The following CHRM3 variants were observed in gnomAD, a reference collection of about 807,000 sequenced individuals.
CHRM3 encodes the protein muscarinic acetylcholine receptor M3.
A neutral mutation model predicts 41.8 loss-of-function variants in CHRM3; 11 were observed. The observed-to-expected ratio is 0.26, with a 90% CI of 0.17 to 0.44. CHRM3 has a LOEUF of 0.44. Ranked by LOEUF, CHRM3 falls within the 20% of genes least tolerant of loss-of-function variation. The pLI is 1.00. For synonymous variants in CHRM3, 297 were observed against 301.4 expected (o/e 0.99, Z 0.15); for missense variants, 571 against 745.4 (o/e 0.77, Z 2.72).
chr1:239,662,915 T>TCTTCTTCTTCTTCTTCTTCTTCTC (rs1558431497), intron 4 of CHRM3, among the ~76,000 whole-genome samples: 3 of 147,372 alleles, frequency 2.0e-5, no homozygotes, highest in African/African-American at 7.5e-5. Flanking sequence ...TTCTTCTTCT[T>TCTTCTTCTTCTTCTTCTTCTTCTC]CTTCTTCTTC....
intron 5 of CHRM3, chr1:239,705,697 T>C (rs951832957): frequency 5.3e-5 from 8 of 152,184 alleles, no homozygotes; most frequent in African/African-American, 1.9e-4. Context: ...CCTATCTTTA[T>C]AGGGAAGGAA....
intron 3 of CHRM3, among the ~76,000 whole-genome samples, chr1:239,554,558 A>G (rs1393740410): frequency 6.6e-6 from 1 of 152,110 alleles, no homozygotes; most frequent in Non-Finnish European, 1.5e-5. Flanking sequence ...ATTTTAAATG[A>G]AAGCAGCTCC....
chr1:239,634,603 C>T (rs1317334372), intron 4 of CHRM3, among the ~76,000 whole-genome samples: 1 of 150,132 alleles, frequency 6.7e-6, no homozygotes, highest in Non-Finnish European at 1.5e-5. Context: ...GTCACCAAAA[C>T]TCAGCTTTTA....
At chr1:239,580,647 T>C (rs1307773551) in intron 3 of CHRM3, among the ~76,000 whole-genome samples, 1 of 143,770 alleles carries the variant, frequency 7.0e-6, no homozygotes, top group South Asian at 2.2e-4. Flanking sequence ...CTCTCATTTG[T>C]ATGTGATTTT....
At chr1:239,570,111 G>A (rs191094843) in intron 3 of CHRM3, among the ~76,000 whole-genome samples, 55 of 152,242 alleles carry the variant, frequency 3.6e-4, no homozygotes, top group Admixed American at 1.5e-3. Context: ...CATAATCCCT[G>A]TATGTCGAGG....
intron 3 of CHRM3, among the ~76,000 whole-genome samples, chr1:239,547,813 T>G (rs1659438659): frequency 6.6e-6 from 1 of 152,182 alleles, no homozygotes; most frequent in Non-Finnish European, 1.5e-5. Context: ...ATTCAGAATT[T>G]CAAAAATGAT....
chr1:239,776,112 A>T (rs1466796746), intron 5 of CHRM3, among the ~76,000 whole-genome samples: 1 of 152,166 alleles, frequency 6.6e-6, no homozygotes, highest in African/African-American at 2.4e-5. Flanking sequence ...TCAAAGGGAC[A>T]TCAAATAATG....
Position 239,914,590 on chromosome 1 carries a change from C to T in CHRM3, c.*5366C>T, listed in dbSNP as rs1397779556. The T allele has an allele frequency of 6.0e-6, 1 of 166,986 alleles. No individual in the cohort carries two copies. The highest frequency in any genetic ancestry group is 1.5e-5 in the Non-Finnish European group (1 of 68,088). The allele number at this position is 166,986 out of a possible 1,614,324, so 10.3% of individuals were successfully genotyped here. A position where few individuals can be genotyped will look rare whatever the true frequency, so the allele number is the denominator to read the frequency against. On this transcript the variant is annotated 3_prime_UTR_variant, in exon 7 of 7. Coordinates refer to ENST00000676153, the MANE Select transcript of CHRM3 (RefSeq NM_001375978.1). Reference sequence around the variant, plus strand: ...GTTTTTTATCCCTAGAACTCAGAAACTTTACTGGATTGGTCAACAAAGACA... The same window carrying T: ...GTTTTTTATCCCTAGAACTCAGAAATTTTACTGGATTGGTCAACAAAGACA...
intron 1 of CHRM3, among the ~76,000 whole-genome samples, chr1:239,407,435 G>A (rs1200930620): frequency 8.3e-6 from 1 of 120,386 alleles, no homozygotes; most frequent in Non-Finnish European, 2.1e-5. Context: ...GAGAGAGAGA[G>A]AGAGAGCGCT....
At chr1:239,727,921 G>A (rs946352566) in intron 5 of CHRM3, 4 of 151,836 alleles carry the variant, frequency 2.6e-5, no homozygotes, top group South Asian at 2.1e-4. Context: ...TCCTTGTTGA[G>A]CTTTTCCAAG....
intron 1 of CHRM3, among the ~76,000 whole-genome samples, chr1:239,451,321 A>G (rs1664539480): frequency 6.6e-6 from 1 of 152,254 alleles, no homozygotes; most frequent in Non-Finnish European, 1.5e-5. Context: ...GTGGAATTAA[A>G]CTTTTAAATT....
intron 2 of CHRM3, among the ~76,000 whole-genome samples, chr1:239,522,401 A>G (rs1669711693): frequency 6.6e-6 from 1 of 152,224 alleles, no homozygotes; most frequent in Non-Finnish European, 1.5e-5. Context: ...ATCCCTTAGT[A>G]GATCGTCCGG....
chr1:239,555,595 C>A (rs1190528872), intron 3 of CHRM3, among the ~76,000 whole-genome samples: 1 of 152,154 alleles, frequency 6.6e-6, no homozygotes, highest in Non-Finnish European at 1.5e-5. Flanking sequence ...CTTTCCATGG[C>A]AATGACTGGC....
chr1:239,631,384 C>G (rs1335520383), intron 3 of CHRM3, among the ~76,000 whole-genome samples: 2 of 152,144 alleles, frequency 1.3e-5, no homozygotes, highest in East Asian at 3.9e-4. Flanking sequence ...ACAGTCTGTT[C>G]TCAGTCCTCT....
At chr1:239,871,532 C>A (rs1297199686) in intron 6 of CHRM3, among the ~76,000 whole-genome samples, 4 of 152,238 alleles carry the variant, frequency 2.6e-5, no homozygotes, top group African/African-American at 9.6e-5. Flanking sequence ...GAGCCACCAC[C>A]CCTGGCTGCC....
At chr1:239,607,474 A>T (rs529781344) in intron 3 of CHRM3, among the ~76,000 whole-genome samples, 7 of 152,176 alleles carry the variant, frequency 4.6e-5, no homozygotes, top group Non-Finnish European at 1.0e-4. Flanking sequence ...TTATGTCCCT[A>T]GGGAATAAAA....
intron 5 of CHRM3, chr1:239,705,822 A>G (rs1661107412): frequency 6.6e-6 from 1 of 152,110 alleles, no homozygotes; most frequent in African/African-American, 2.4e-5. Flanking sequence ...GAATAGAGAC[A>G]TTATTCTAGG....
chr1:239,491,978 G>C (rs1031955065), intron 1 of CHRM3, among the ~76,000 whole-genome samples: 1 of 152,104 alleles, frequency 6.6e-6, no homozygotes, highest in Non-Finnish European at 1.5e-5. Flanking sequence ...TAATCCCAGT[G>C]TATGATGTGT....
chr1:239,699,589 T>C (rs943178974), intron 5 of CHRM3, among the ~76,000 whole-genome samples: 18 of 152,188 alleles, frequency 1.2e-4, no homozygotes, highest in Non-Finnish European at 4.4e-5. Context: ...ATCTGTAGCT[T>C]GAGCAGACTA....
Sources: gnomAD v4.1 joint callset for allele counts (sites outside exome capture counted in the v4.1 genomes callset) on GRCh38, gnomAD v4.1.1 for gene constraint, MANE v1.5 for transcripts, NCBI Gene and HGNC (gene_info 2026-07-23, HGNC 2026-07-21) for gene names.